Variants in SCRG1 observed in about 807,000 individuals in gnomAD.
The protein encoded by SCRG1 is stimulator of chondrogenesis 1, also known as scrapie-responsive protein 1.
SCRG1 carries 3 observed loss-of-function variants against 7.7 expected under a neutral mutation model. That is an observed-to-expected ratio of 0.39 (90% CI 0.18 to 1.01). The LOEUF is 1.01. Among genes scored for constraint, SCRG1 ranks in the 50% least tolerant of loss-of-function variants. The probability of loss-of-function intolerance (pLI) is 0.36; values close to 1 mark genes in which losing one functional copy is unlikely to be tolerated. For synonymous variants in SCRG1, 46 were observed against 41.2 expected, an observed-to-expected ratio of 1.12 and a Z score of -0.44; for missense variants, 110 against 117.2, an observed-to-expected ratio of 0.94 and a Z score of 0.28.
At chr4:173,455,381 C>T in the SCRG1 span, among the ~76,000 whole-genome samples, 8 of 152,252 alleles carry the variant, frequency 5.3e-5, no homozygotes, top group East Asian at 1.9e-4. Context: ...TTAATGAGAA[C>T]GCTGGTGGTG....
chr4:173,483,197 T>TA, the SCRG1 span, among the ~76,000 whole-genome samples: 2 of 15,958 alleles, frequency 1.3e-4, no homozygotes, highest in Non-Finnish European at 2.2e-4. Flanking sequence ...ATATGATATA[T>TA]ATTATATGAT....
chr4:173,412,838 C>T, the SCRG1 span, among the ~76,000 whole-genome samples: 4 of 152,096 alleles, frequency 2.6e-5, no homozygotes, highest in African/African-American at 9.7e-5. Flanking sequence ...TGAATGGGAC[C>T]AAGGCATGAA....
chr4:173,473,803 C>T, the SCRG1 span, among the ~76,000 whole-genome samples: 1 of 152,092 alleles, frequency 6.6e-6, no homozygotes. Context: ...ATCCCGATGG[C>T]GGTTATATGA....
the SCRG1 span, among the ~76,000 whole-genome samples, chr4:173,515,971 C>T: frequency 6.6e-6 from 1 of 152,138 alleles, no homozygotes; most frequent in Non-Finnish European, 1.5e-5. This position sits in a 1 kb window ranked among gnomAD's most constrained non-coding sequence, Gnocchi z 4.6. Context: ...CGCTGGACCC[C>T]AATTCCCCAG....
chr4:173,406,821 A>G (rs184876857), upstream of SCRG1, among the ~76,000 whole-genome samples: 4 of 152,310 alleles, frequency 2.6e-5, no homozygotes, highest in Admixed American at 2.6e-4. Context: ...TCTTTTTATC[A>G]CTGAATAATA....
At chr4:173,454,425 A>C in the SCRG1 span, among the ~76,000 whole-genome samples, 2 of 152,154 alleles carry the variant, frequency 1.3e-5, no homozygotes, top group South Asian at 4.1e-4. Context: ...AAGGTATTGC[A>C]GGGGTCTGAG....
chr4:173,504,860 G>A, the SCRG1 span, among the ~76,000 whole-genome samples: 1 of 152,178 alleles, frequency 6.6e-6, no homozygotes, highest in Non-Finnish European at 1.5e-5. This position sits in a 1 kb window ranked among gnomAD's most constrained non-coding sequence, Gnocchi z 4.7. Flanking sequence ...GGAATGTGGT[G>A]CCCTAGCCAC....
At chr4:173,396,426 G>A (rs1739604952) in intron 1 of SCRG1, among the ~76,000 whole-genome samples, 2 of 152,198 alleles carry the variant, frequency 1.3e-5, no homozygotes, top group South Asian at 4.1e-4. Context: ...TCAATATTCA[G>A]AGGACTAGAA....
At chr4:173,483,790 C>A in the SCRG1 span, among the ~76,000 whole-genome samples, 256 of 6,326 alleles carry the variant, frequency 0.04, 41 homozygotes, top group South Asian at 0.11. Flanking sequence ...TATCATATAT[C>A]ATATATATGA....
At chr4:173,485,133 TATATTACATATAATGTAATATATA>T in the SCRG1 span, among the ~76,000 whole-genome samples, 1 of 51,148 alleles carries the variant, frequency 2.0e-5, no homozygotes, top group Non-Finnish European at 3.7e-5. Flanking sequence ...ATATATCATA[TATATTACATATAATGTAATATATA>T]ATATATTATA....
the SCRG1 span, among the ~76,000 whole-genome samples, chr4:173,506,796 G>T: frequency 6.6e-6 from 1 of 152,126 alleles, no homozygotes; most frequent in Non-Finnish European, 1.5e-5. The surrounding 1 kb of genome is among the most constrained non-coding windows in gnomAD (Gnocchi z 5.3). Context: ...AGCTCATTCC[G>T]GGACGGCGGT....
the SCRG1 span, among the ~76,000 whole-genome samples, chr4:173,433,695 G>A: frequency 1.1e-4 from 16 of 152,322 alleles, no homozygotes; most frequent in African/African-American, 3.8e-4. Flanking sequence ...GGCAGCACTA[G>A]TCATCTTCTG....
the SCRG1 span, among the ~76,000 whole-genome samples, chr4:173,415,230 G>A: frequency 6.6e-6 from 1 of 152,212 alleles, no homozygotes; most frequent in Admixed American, 6.5e-5. Flanking sequence ...TCTGTGAGGT[G>A]GCAAAACAGG....
the SCRG1 span, among the ~76,000 whole-genome samples, chr4:173,449,996 T>A: frequency 6.6e-6 from 1 of 152,196 alleles, no homozygotes; most frequent in Non-Finnish European, 1.5e-5. Context: ...CAGGCTGGTA[T>A]TAGACTGTTT....
intron 2 of SCRG1, chr4:173,389,535 CAAAACAAA>C (rs1739361416): frequency 6.0e-6 from 1 of 165,702 alleles, no homozygotes; most frequent in African/African-American, 3.6e-5. Context: ...GATTCCGTCT[CAAAACAAA>C]CAAACAAACA....
the SCRG1 span, among the ~76,000 whole-genome samples, chr4:173,512,272 G>A: frequency 2.6e-5 from 4 of 152,198 alleles, no homozygotes; most frequent in African/African-American, 9.7e-5. Context: ...CTTAACCTCA[G>A]CAACTAGGCT....
chr4:173,429,804 G>A, the SCRG1 span, among the ~76,000 whole-genome samples: 1 of 152,126 alleles, frequency 6.6e-6, no homozygotes, highest in Non-Finnish European at 1.5e-5. Context: ...ATATCCAAAG[G>A]AATCCTGACA....
chr4:173,405,145 C>T (rs1328409418), intron 1 of SCRG1, among the ~76,000 whole-genome samples: 1 of 152,178 alleles, frequency 6.6e-6, no homozygotes, highest in African/African-American at 2.4e-5. Context: ...TCTCTTCAGG[C>T]TCCTCAGTGT....
At chr4:173,398,021 C>T (rs1017185300) in intron 1 of SCRG1, among the ~76,000 whole-genome samples, 1 of 152,208 alleles carries the variant, frequency 6.6e-6, no homozygotes, top group African/African-American at 2.4e-5. Context: ...GTTTTCCACT[C>T]ATCTCTCTTG....
Sources: allele counts gnomAD v4.1 joint callset (sites outside exome capture counted in the v4.1 genomes callset), GRCh38; gene constraint gnomAD v4.1.1; non-coding constraint Gnocchi (gnomAD v3.1); transcripts MANE v1.5; gene names NCBI Gene and HGNC (gene_info 2026-07-23, HGNC 2026-07-21).